The following CPA3 variants were observed in gnomAD, a reference collection of about 807,000 sequenced individuals.
CPA3 encodes the protein mast cell carboxypeptidase A.
Under a neutral mutation model 55.8 loss-of-function variants are expected in CPA3, and 52 were observed. That is an observed-to-expected ratio of 0.93 (90% CI 0.75 to 1.17). The LOEUF (loss-of-function observed/expected upper bound fraction) is 1.17, where lower values mean the gene tolerates loss of function less well. Ranked by LOEUF, CPA3 falls within the 50% of genes most tolerant of loss-of-function variation. The pLI is 0.00. For synonymous variants in CPA3, 179 were observed against 171.2 expected (o/e 1.05, Z -0.36); for missense variants, 547 against 509.1 (o/e 1.07, Z -0.72).
At chr3:148,883,437 A>C (rs1333197460) in intron 8 of CPA3, among the ~76,000 whole-genome samples, 176 bp from the exon 9 acceptor site, 2 of 152,212 alleles carry the variant, frequency 1.3e-5, no homozygotes, top group East Asian at 3.8e-4. Context: ...ACAATCTGGC[A>C]TGTGTGTGCA....
intron 8 of CPA3, 63 bp downstream of exon 8, chr3:148,882,658 C>A: frequency 8.2e-7 from 1 of 1,222,066 alleles, no homozygotes; most frequent in Non-Finnish European, 1.2e-6. Flanking sequence ...CCAAACTTAA[C>A]TAAAACACCT....
rs116750023 is a variant in CPA3 at position 148,888,519 on chromosome 3, T to C, written c.1066+2342T>C. On this transcript the variant is annotated intron_variant, in intron 10 of 10. Transcript: ENST00000296046. Reference sequence around the variant, plus strand: ...AATACATGTTATGTACCCAGCTATGTGAGTGGACAAAAAGTAAGCAAAGTA... The same window carrying C: ...AATACATGTTATGTACCCAGCTATGCGAGTGGACAAAAAGTAAGCAAAGTA... 6.9e-3 allele frequency among the ~76,000 whole-genome samples: 1,048 copies of C among 152,288 alleles called. 15 individuals are homozygous for C. The highest frequency in any genetic ancestry group is 0.024 in the African/African-American group (991 of 41,548).
At chr3:148,866,571 C>G (rs1217620487) in intron 2 of CPA3, among the ~76,000 whole-genome samples, 1 of 152,214 alleles carries the variant, frequency 6.6e-6, no homozygotes, top group Non-Finnish European at 1.5e-5. Context: ...CGCTTACATT[C>G]AAATCCAAGC....
In CPA3 at chr3:148,865,371, G is replaced by C; in HGVS notation, c.64G>C (p.Asp22His). 3 of 1,614,056 alleles carry C rather than the reference G, an allele frequency of 1.9e-6. No homozygotes were observed. Among genetic ancestry groups the C allele is most frequent in the Non-Finnish European group, 8.5e-7 (1 of 1,179,982 alleles). ...TTLAIAPVRF[D>H]REKVFRVKPQ... Reference sequence around the variant, plus strand: ...TCTTGCAATTGCTCCTGTCCGCTTTGACAGGTAAATCTTACTTCCTGTGTT... The same window carrying C: ...TCTTGCAATTGCTCCTGTCCGCTTTCACAGGTAAATCTTACTTCCTGTGTT... Residue 22 changes from aspartate (D) to histidine (H), a missense_variant, in exon 1 of 11, where the codon GAC becomes CAC. Physicochemically the swap from Asp to His is moderately conservative, Grantham distance 81. Coordinates refer to ENST00000296046, the MANE Select transcript of CPA3 (RefSeq NM_001870.4).
chr3:148,896,416 C>A, intron 10 of CPA3, 104 bp from the exon 11 acceptor site: 2 of 918,400 alleles, frequency 2.2e-6, no homozygotes, highest in Non-Finnish European at 3.2e-6. Context: ...CAATTAACTG[C>A]ACACATAACT....
At chr3:148,884,581 T>C (rs1714471699) in intron 9 of CPA3, among the ~76,000 whole-genome samples, 1 of 152,200 alleles carries the variant, frequency 6.6e-6, no homozygotes, top group South Asian at 2.1e-4. Context: ...TAAAATATTT[T>C]AAAATTTTTA....
rs767770938 is a variant in CPA3, at chr3:148,883,651, C to T, written c.817C>T (p.Arg273Trp). ...NTNDPCADNY[R>W]GSAPESEKET... Reference sequence around the variant, plus strand: ...CAATGACCCATGTGCAGATAACTATCGGGGCTCTGCACCAGAGTCCGAGAA... The same window carrying T: ...CAATGACCCATGTGCAGATAACTATTGGGGCTCTGCACCAGAGTCCGAGAA... The change falls in exon 9 of 11, where the codon CGG (arginine) becomes TGG (tryptophan). Residue 273 changes from arginine to tryptophan, a missense_variant. Coordinates refer to ENST00000296046, the MANE Select transcript of CPA3 (RefSeq NM_001870.4). The T allele has an allele frequency of 3.4e-5, 55 of 1,614,026 alleles. 1 individual carries two copies. In the South Asian group the frequency reaches 4.5e-4, roughly 13 times the overall value.
chr3:148,883,195 A>C (rs1025657595), intron 8 of CPA3, among the ~76,000 whole-genome samples: 2 of 152,206 alleles, frequency 1.3e-5, no homozygotes, highest in Non-Finnish European at 2.9e-5. Context: ...ATGAACATAG[A>C]AGAGCAGCAG....
Position 148,882,546 on chromosome 3 carries a change from C to CA in CPA3, c.732dup (p.Cys245MetfsTer5), listed in dbSNP as rs752921459. 3 of 1,613,610 alleles carry CA rather than the reference C, an allele frequency of 1.9e-6. No individual in the cohort carries two copies. The highest frequency in any genetic ancestry group is 8.5e-7 in the Non-Finnish European group (1 of 1,179,752). On this transcript the variant is annotated frameshift_variant, in exon 8 of 11. Coordinates refer to ENST00000296046, the MANE Select transcript of CPA3 (RefSeq NM_001870.4). LOFTEE classifies it high-confidence loss of function. ...AAAATCGTTCCAAGAACCAAAACTC[C>CA]AAATGCATCGGCACTGACCTCAACA...
chr3:148,867,223 G>A (rs1713926470), intron 2 of CPA3, among the ~76,000 whole-genome samples: 1 of 152,122 alleles, frequency 6.6e-6, no homozygotes, highest in African/African-American at 2.4e-5. Flanking sequence ...TCATGAAAAT[G>A]TGTTTCTCTC....
Position 148,868,251 on chromosome 3 carries a change from T to C in CPA3, c.145-664T>C, listed in dbSNP as rs115169181. On this transcript the variant is annotated intron_variant, in intron 2 of 10. Coordinates refer to ENST00000296046, the MANE Select transcript of CPA3 (RefSeq NM_001870.4). ...GAGCTCATATACCAAATTTTTGAAA[T>C]TGTCAGCTAGAGGAAGAGAAAGGAA... Among the ~76,000 whole-genome samples, 801 of 144,840 alleles carry C rather than the reference T, an allele frequency of 5.5e-3. 4 individuals carry two copies. Among genetic ancestry groups the C allele is most frequent in the Non-Finnish European group, 9.4e-3 (615 of 65,524 alleles).
chr3:148,894,303 A>C lies in CPA3; in HGVS notation c.1067-2217A>C, dbSNP rs115635239. Among the ~76,000 whole-genome samples, 282 of 152,232 alleles carry C rather than the reference A, an allele frequency of 1.9e-3. 2 individuals are homozygous for C. Among genetic ancestry groups the C allele is most frequent in the African/African-American group, 6.5e-3 (272 of 41,576 alleles). On this transcript the variant is annotated intron_variant, in intron 10 of 10. Coordinates refer to ENST00000296046, the MANE Select transcript of CPA3 (RefSeq NM_001870.4). ...CATAGTAAAATGTCAATACCATTAG[A>C]CTGTGGTAAGTTATGTATGTGTATT...
intron 10 of CPA3, 55 bp from the exon 11 acceptor site, chr3:148,896,465 T>TA (rs397947100): frequency 2.8e-6 from 4 of 1,411,576 alleles, no homozygotes; most frequent in Admixed American, 2.1e-5. Flanking sequence ...ATTTCCACTT[T>TA]AAAAAAACAT....
intron 10 of CPA3, among the ~76,000 whole-genome samples, chr3:148,888,253 A>G (rs1714584919): frequency 6.6e-6 from 1 of 152,248 alleles, no homozygotes. Flanking sequence ...ATCAACATAT[A>G]CAGTTTCTAG....
chr3:148,886,080 C>T lies in CPA3; in HGVS notation c.982-13C>T. On this transcript the variant is annotated splice_polypyrimidine_tract_variant and intron_variant, in intron 9 of 10. Coordinates refer to ENST00000296046, the MANE Select transcript of CPA3 (RefSeq NM_001870.4). ...TATCCTATTATTTCACTCTAACTTT[C>T]CTTTCTCTCCAGGCCAAAGTTGCAA... is the stretch of plus-strand genomic sequence containing the variant. The T allele has an allele frequency of 6.3e-7, 1 of 1,595,472 alleles. No individual in the cohort carries two copies. Among genetic ancestry groups the T allele is most frequent in the Non-Finnish European group, 8.6e-7 (1 of 1,164,154 alleles).
chr3:148,869,769 T>A (rs1329835147), intron 3 of CPA3, among the ~76,000 whole-genome samples: 1 of 152,046 alleles, frequency 6.6e-6, no homozygotes, highest in Non-Finnish European at 1.5e-5. Context: ...AGCCCAGCAA[T>A]GAATATCATA....
At chr3:148,882,461 G>T in intron 7 of CPA3, 44 bp from the exon 8 acceptor site, 1 of 1,527,982 alleles carries the variant, frequency 6.5e-7, no homozygotes, top group Admixed American at 1.7e-5. Context: ...ATTGAAAAAT[G>T]CAAACTGATC....
intron 2 of CPA3, among the ~76,000 whole-genome samples, chr3:148,867,894 T>C (rs1012836982): frequency 1.3e-5 from 2 of 152,236 alleles, no homozygotes; most frequent in African/African-American, 4.8e-5. Context: ...CTTTTGTTTT[T>C]GTTTTTTGTG....
At chr3:148,882,878 G>A (rs1714408117) in intron 8 of CPA3, among the ~76,000 whole-genome samples, 1 of 152,070 alleles carries the variant, frequency 6.6e-6, no homozygotes, top group Admixed American at 6.6e-5. Flanking sequence ...CAGATAATCT[G>A]AATAAAGACC....
Sources: gnomAD v4.1 joint callset for allele counts (sites outside exome capture counted in the v4.1 genomes callset) on GRCh38, gnomAD v4.1.1 for gene constraint, MANE v1.5 for transcripts, NCBI Gene and HGNC (gene_info 2026-07-23, HGNC 2026-07-21) for gene names.